CYP2C8: variants seen among roughly 807,000 people sequenced by gnomAD.
CYP2C8 encodes the protein cytochrome P450 2C8.
In CYP2C8, 51 loss-of-function variants were observed where a neutral mutation model predicts 41.3. The ratio of observed to expected loss-of-function variants is 1.24; its 90% CI spans 0.99 to 1.56. CYP2C8 has a LOEUF of 1.56. Ranked by LOEUF, CYP2C8 falls within the 40% of genes most tolerant of loss-of-function variation. The pLI is 0.00. For missense variants in CYP2C8, 651 were observed against 579.9 expected (o/e 1.12, Z -1.26); for synonymous variants, 218 against 205.8 (o/e 1.06, Z -0.51).
chr10:95,056,426 T>C (rs570585139), intron 5 of CYP2C8, among the ~76,000 whole-genome samples: 1 of 152,124 alleles, frequency 6.6e-6, no homozygotes, highest in Non-Finnish European at 1.5e-5. Flanking sequence ...GAAAATATAT[T>C]CATGAAGTAA....
intron 3 of CYP2C8, among the ~76,000 whole-genome samples, chr10:95,065,642 A>G (rs1393861350): frequency 6.6e-6 from 1 of 152,206 alleles, no homozygotes; most frequent in Non-Finnish European, 1.5e-5. Context: ...TTTGTAAAAA[A>G]TGAATTTCCT....
intron 4 of CYP2C8, among the ~76,000 whole-genome samples, chr10:95,061,867 A>G (rs955384429): frequency 2.3e-4 from 35 of 152,232 alleles, no homozygotes; most frequent in Non-Finnish European, 4.0e-4. Context: ...TTCAAAGAAC[A>G]TCTTTATTTC....
intron 4 of CYP2C8, among the ~76,000 whole-genome samples, chr10:95,059,252 T>G (rs11188160): frequency 0.046 from 7,023 of 152,242 alleles, 510 homozygotes; most frequent in African/African-American, 0.15. Flanking sequence ...TAGTTTACAG[T>G]CCCACCAACA....
intron 8 of CYP2C8, 30 bp from the exon 9 acceptor site, chr10:95,037,339 C>A: frequency 6.3e-7 from 1 of 1,595,680 alleles, no homozygotes; most frequent in Non-Finnish European, 8.6e-7. Flanking sequence ...GAAGTAGTTA[C>A]TCCTTGTGTT....
chr10:95,064,128 C>T (rs568178041), intron 4 of CYP2C8, among the ~76,000 whole-genome samples: 5 of 152,296 alleles, frequency 3.3e-5, no homozygotes, highest in African/African-American at 1.2e-4. Flanking sequence ...ATACTCCATG[C>T]TGGGAGAACC....
chr10:95,067,223 ACTC>A lies in CYP2C8; in HGVS notation c.463_465del (p.Glu155del), dbSNP rs1434821194. On this transcript the variant is annotated inframe_deletion, in exon 3 of 9. Coordinates refer to ENST00000371270, the MANE Select transcript of CYP2C8 (RefSeq NM_000770.3). Reference sequence around the variant, plus strand: ...AGTCACCCACCCTTGGTTTTTCTCAACTCCTCCACAAGGCAGTGAGCTTCCTCT... The same window carrying A: ...AGTCACCCACCCTTGGTTTTTCTCAACTCCACAAGGCAGTGAGCTTCCTCT... 1.9e-6 allele frequency: 3 copies of A among 1,613,470 alleles called. No homozygotes were observed. Among genetic ancestry groups the A allele is most frequent in the Admixed American group, 1.7e-5 (1 of 59,930 alleles).
intron 3 of CYP2C8, among the ~76,000 whole-genome samples, chr10:95,066,796 G>C (rs2033579262): frequency 1.3e-5 from 2 of 152,162 alleles, no homozygotes; most frequent in African/African-American, 4.8e-5. Flanking sequence ...ATTTCATGAA[G>C]TGTGATGAGG....
At position 95,037,155 on chromosome 10, in the gene CYP2C8, T is replaced by C. The variant is rs766345387; in HGVS notation, c.1446A>G (p.Ser482=). The C allele has an allele frequency of 3.7e-6, 6 of 1,613,954 alleles. No homozygotes were observed. The highest frequency in any genetic ancestry group is 5.1e-6 in the Non-Finnish European group (6 of 1,179,870). The part of the protein sequence containing the change: ...VTKGIVSLPP[S]YQICFIPV ...AGACAGGGATGAAGCAGATCTGGTA[T>C]GAGGGTGGCAGAGAAACAATCCCTT... The change falls in exon 9 of 9, where the codon TCA becomes TCG. Residue 482 remains serine (S), a synonymous_variant. Transcript: ENST00000371270.
chr10:95,059,991 C>T (rs1248861076), intron 4 of CYP2C8, among the ~76,000 whole-genome samples: 1 of 152,082 alleles, frequency 6.6e-6, no homozygotes, highest in African/African-American at 2.4e-5. Context: ...CTGTTTTGTT[C>T]CATTGGTCTA....
intron 6 of CYP2C8, among the ~76,000 whole-genome samples, chr10:95,044,824 G>A (rs2033076917): frequency 6.6e-6 from 1 of 152,074 alleles, no homozygotes; most frequent in African/African-American, 2.4e-5. Context: ...GGCTCTTGGT[G>A]CCTCCAAATA....
chr10:95,060,119 C>T (rs1401516467), intron 4 of CYP2C8, among the ~76,000 whole-genome samples: 1 of 152,048 alleles, frequency 6.6e-6, no homozygotes, highest in Non-Finnish European at 1.5e-5. Flanking sequence ...ATTGACTTGA[C>T]AATGCGGGCT....
chr10:95,067,111 G>A (rs1006676755), intron 3 of CYP2C8, 97 bp downstream of exon 3: 46 of 1,537,276 alleles, frequency 3.0e-5, no homozygotes, highest in African/African-American at 4.1e-5. Flanking sequence ...ACCAGGATGC[G>A]CAATGAAGAC....
intron 7 of CYP2C8, among the ~76,000 whole-genome samples, chr10:95,041,132 A>G (rs187583537): frequency 1.5e-4 from 23 of 152,356 alleles, no homozygotes; most frequent in African/African-American, 3.8e-4. Flanking sequence ...CAGAGAATCA[A>G]TTTGATAAAA....
At chr10:95,051,277 C>T (rs1380547933) in intron 5 of CYP2C8, among the ~76,000 whole-genome samples, 1 of 151,904 alleles carries the variant, frequency 6.6e-6, no homozygotes, top group Non-Finnish European at 1.5e-5. Flanking sequence ...AATTAGTGAG[C>T]TTTAACACAA....
rs192491019 is a variant in CYP2C8, at chr10:95,050,660, A to C, written c.820-4709T>G. ...AGAATTCTCTTGGATCTTGTCCAAG[A>C]CCATCAAGGCAGTACCTCTACAAGT... On this transcript the variant is annotated intron_variant, in intron 5 of 8. Coordinates refer to ENST00000371270, the MANE Select transcript of CYP2C8 (RefSeq NM_000770.3). 8.5e-3 allele frequency among the ~76,000 whole-genome samples: 1,287 copies of C among 152,272 alleles called. 17 individuals carry two copies. Among genetic ancestry groups the C allele is most frequent in the Non-Finnish European group, 8.8e-3 (600 of 68,014 alleles).
At chr10:95,064,633 G>A (rs1382062686) in intron 4 of CYP2C8, among the ~76,000 whole-genome samples, 167 bp downstream of exon 4, 3 of 152,152 alleles carry the variant, frequency 2.0e-5, no homozygotes, top group South Asian at 2.1e-4. Flanking sequence ...AAAGATTGGA[G>A]GCTGAAAATT....
chr10:95,042,456 A>C (rs527359525), intron 7 of CYP2C8, among the ~76,000 whole-genome samples: 2 of 152,272 alleles, frequency 1.3e-5, no homozygotes, highest in South Asian at 4.1e-4. Context: ...TCTAGGAAAA[A>C]CCTAATAAAA....
chr10:95,055,972 G>A (rs566871407), intron 5 of CYP2C8, among the ~76,000 whole-genome samples: 5 of 151,962 alleles, frequency 3.3e-5, no homozygotes, highest in East Asian at 3.9e-4. Flanking sequence ...TTGTGCCTGT[G>A]CTCCTAGCTA....
chr10:95,058,907 T>C (rs1274800656), intron 4 of CYP2C8, among the ~76,000 whole-genome samples: 2 of 152,174 alleles, frequency 1.3e-5, no homozygotes, highest in African/African-American at 4.8e-5. Context: ...GGTTTTTTTG[T>C]CCTTGTGATA....
Sources: gnomAD v4.1 joint callset for allele counts (sites outside exome capture counted in the v4.1 genomes callset) on GRCh38, gnomAD v4.1.1 for gene constraint, MANE v1.5 for transcripts, NCBI Gene and HGNC (gene_info 2026-07-23, HGNC 2026-07-21) for gene names.